The following ACTN4 variants were observed in gnomAD, a reference collection of about 807,000 sequenced individuals.
ACTN4 encodes the protein actinin alpha 4, also known as alpha-actinin-4.
ACTN4 carries 18 observed loss-of-function variants against 114.2 expected under a neutral mutation model. That is an observed-to-expected ratio of 0.16 (90% confidence interval 0.11 to 0.23). The LOEUF (loss-of-function observed/expected upper bound fraction) is 0.23, where lower values mean the gene tolerates loss of function less well. Among genes scored for constraint, ACTN4 ranks in the 10% least tolerant of loss-of-function variants. The pLI, the probability that ACTN4 is intolerant of heterozygous loss-of-function variation, is 1.00. For missense variants in ACTN4, 722 were observed against 1,262.9 expected (o/e 0.57, Z 6.49); for synonymous variants, 515 against 506.3 (o/e 1.02, Z -0.23).
Position 38,724,176 on chromosome 19 carries a change from A to G in ACTN4, c.1712A>G (p.Asp571Gly), listed in dbSNP as rs367745869. The G allele has an allele frequency of 2.7e-5, 43 of 1,613,804 alleles. No individual in the cohort carries two copies. In the African/African-American group the frequency reaches 4.7e-4, roughly 18 times the overall value. Residue 571 changes from aspartate to glycine, a missense_variant, in exon 15 of 21, where the codon GAC becomes GGC. Coordinates refer to ENST00000252699, the MANE Select transcript of ACTN4 (RefSeq NM_004924.6). The surrounding 1 kb of genome is among the most constrained non-coding windows in gnomAD (Gnocchi z 7.0). ...CCCTAGGGCCTGATCTCAGCCCATG[A>G]CCAGTTCAAGTCCACCCTGCCGGAC... ...EEIEGLISAH[D>G]QFKSTLPDAD...
intron 1 of ACTN4, among the ~76,000 whole-genome samples, chr19:38,696,172 C>T (rs571442114): frequency 2.0e-5 from 3 of 152,216 alleles, no homozygotes; most frequent in Admixed American, 1.3e-4. Context: ...TTCCTAAGGG[C>T]GTTATTTCTG....
chr19:38,668,997 T>C (rs1422719700), intron 1 of ACTN4, among the ~76,000 whole-genome samples: 1 of 152,130 alleles, frequency 6.6e-6, no homozygotes, highest in Non-Finnish European at 1.5e-5. Context: ...CCAGCTTTTT[T>C]TCTTTTTTCG....
intron 1 of ACTN4, among the ~76,000 whole-genome samples, chr19:38,662,743 T>A (rs1976926594): frequency 6.6e-6 from 1 of 152,132 alleles, no homozygotes; most frequent in Non-Finnish European, 1.5e-5. Flanking sequence ...TATTATGCAT[T>A]TATGCTGAGC....
intron 1 of ACTN4, among the ~76,000 whole-genome samples, chr19:38,656,691 A>G (rs1976720903): frequency 6.6e-6 from 1 of 152,250 alleles, no homozygotes; most frequent in African/African-American, 2.4e-5. Context: ...ATGGGATGCT[A>G]GAACACCAGC....
At chr19:38,660,302 A>T (rs1976842653) in intron 1 of ACTN4, among the ~76,000 whole-genome samples, 1 of 152,188 alleles carries the variant, frequency 6.6e-6, no homozygotes, top group Admixed American at 6.5e-5. Flanking sequence ...GTAACTTCAG[A>T]TAGGATTATG....
At chr19:38,673,488 C>A (rs1450482861) in intron 1 of ACTN4, among the ~76,000 whole-genome samples, 7 of 45,796 alleles carry the variant, frequency 1.5e-4, no homozygotes, top group Non-Finnish European at 2.2e-4. Context: ...TATATATATT[C>A]ATATATATTT....
At chr19:38,692,351 A>G (rs1234491767) in intron 1 of ACTN4, among the ~76,000 whole-genome samples, 2 of 152,190 alleles carry the variant, frequency 1.3e-5, no homozygotes, top group Admixed American at 1.3e-4. Context: ...TCTGCGTCCC[A>G]CGTTGCTGCA....
intron 16 of ACTN4, 38 bp from the exon 17 acceptor site, chr19:38,725,686 C>T: frequency 6.2e-7 from 1 of 1,604,852 alleles, no homozygotes; most frequent in Non-Finnish European, 8.5e-7. Context: ...GGGGCAGGCC[C>T]ACCAGCCTCA....
chr19:38,731,013 G>A lies in ACTN4; in HGVS notation c.*1581G>A. 1 of 1,553,226 alleles carries A rather than the reference G, an allele frequency of 6.4e-7. No individual in the cohort carries two copies. Among genetic ancestry groups the A allele is most frequent in the Non-Finnish European group, 8.7e-7 (1 of 1,148,556 alleles). On this transcript the variant is annotated 3_prime_UTR_variant, in exon 21 of 21. Coordinates refer to ENST00000252699, the MANE Select transcript of ACTN4 (RefSeq NM_004924.6). ...CCCCCTCACCCCCATCCAGGTGCTG[G>A]CTGCAGTGGCCTGTGCAGAGAGGGG...
Position 38,723,632 on chromosome 19 carries a change from C to T in ACTN4, c.1461C>T (p.Asp487=), listed in dbSNP as rs1222924017. 1 of 1,613,076 alleles carries T rather than the reference C, an allele frequency of 6.2e-7. No homozygotes were observed. Among genetic ancestry groups the T allele is most frequent in the Non-Finnish European group, 8.5e-7 (1 of 1,179,616 alleles). Residue 487 remains aspartate (D), a synonymous_variant, in exon 13 of 21, where the codon GAC becomes GAT. Coordinates refer to ENST00000252699, the MANE Select transcript of ACTN4 (RefSeq NM_004924.6). ...AQELNELDYY[D]SHNVNTRCQK... is the part of the protein sequence containing the mutation. ...CCCGCAGCGAGCTGGATTACTACGA[C>T]TCCCACAATGTCAACACCCGGTGCC...
chr19:38,697,971 C>T (rs754131986), intron 1 of ACTN4, among the ~76,000 whole-genome samples: 9 of 152,232 alleles, frequency 5.9e-5, no homozygotes, highest in Non-Finnish European at 1.2e-4. Context: ...AAGGTGCAGG[C>T]GCCGTACTTC....
chr19:38,692,237 G>A (rs557034624), intron 1 of ACTN4, among the ~76,000 whole-genome samples: 1 of 152,348 alleles, frequency 6.6e-6, no homozygotes, highest in Admixed American at 6.5e-5. Context: ...GGCACACACA[G>A]TGCACTTGCT....
chr19:38,689,098 G>T (rs1967838853), intron 1 of ACTN4, among the ~76,000 whole-genome samples: 1 of 152,078 alleles, frequency 6.6e-6, no homozygotes, highest in African/African-American at 2.4e-5. Flanking sequence ...GCCCAAGGCA[G>T]TTGAAAACAT....
intron 1 of ACTN4, among the ~76,000 whole-genome samples, chr19:38,657,914 A>G (rs751842924): frequency 6.6e-6 from 1 of 152,218 alleles, no homozygotes; most frequent in Non-Finnish European, 1.5e-5. Context: ...TTAACAAATT[A>G]CTATTCTATG....
At chr19:38,719,375 G>A (rs936942805) in intron 11 of ACTN4, among the ~76,000 whole-genome samples, 1 of 152,246 alleles carries the variant, frequency 6.6e-6, no homozygotes, top group African/African-American at 2.4e-5. Context: ...ATGCGAGTGT[G>A]CAGCTCCACA....
At chr19:38,693,974 AG>A (rs770824508) in intron 1 of ACTN4, among the ~76,000 whole-genome samples, 14 of 152,330 alleles carry the variant, frequency 9.2e-5, no homozygotes, top group South Asian at 4.1e-4. Flanking sequence ...TTTAGCAACC[AG>A]AGAAGCCTCT....
intron 1 of ACTN4, among the ~76,000 whole-genome samples, chr19:38,655,535 G>T (rs1042596008): frequency 6.6e-6 from 1 of 152,128 alleles, no homozygotes; most frequent in African/African-American, 2.4e-5. Flanking sequence ...ATCTCATCTG[G>T]TCGAGGTGGG....
intron 3 of ACTN4, 22 bp downstream of exon 3, chr19:38,701,143 G>A (rs188953519): frequency 4.8e-4 from 782 of 1,613,530 alleles, no homozygotes; most frequent in Middle Eastern, 8.8e-4. Context: ...GTGGGGCAGC[G>A]AGGGTCCTGC....
chr19:38,722,375 T>G (rs1969074792), intron 12 of ACTN4, among the ~76,000 whole-genome samples: 1 of 151,984 alleles, frequency 6.6e-6, no homozygotes, highest in Non-Finnish European at 1.5e-5. Context: ...ATAGGATCCT[T>G]GGCTATAACT....
Sources: allele counts gnomAD v4.1 joint callset (sites outside exome capture counted in the v4.1 genomes callset), GRCh38; gene constraint gnomAD v4.1.1; non-coding constraint Gnocchi (gnomAD v3.1); transcripts MANE v1.5; gene names NCBI Gene and HGNC (gene_info 2026-07-23, HGNC 2026-07-21).